RIMKLB: variants seen among roughly 807,000 people sequenced by gnomAD.
RIMKLB encodes beta-citrylglutamate synthase B.
In RIMKLB, 7 loss-of-function variants were observed where a neutral mutation model predicts 32.0. The observed-to-expected ratio is 0.22, with a 90% confidence interval of 0.12 to 0.41. The LOEUF (loss-of-function observed/expected upper bound fraction) is 0.41. RIMKLB is among the 10% of genes least tolerant of loss of function. The probability of loss-of-function intolerance (pLI) is 1.00; values close to 1 mark genes in which losing one functional copy is unlikely to be tolerated. For missense variants in RIMKLB, 289 were observed against 498.7 expected (o/e 0.58, Z 4.00); for synonymous variants, 172 against 185.1 (o/e 0.93, Z 0.57).
At chr12:8,728,870 C>G (rs1245006491) in intron 2 of RIMKLB, among the ~76,000 whole-genome samples, 1 of 152,002 alleles carries the variant, frequency 6.6e-6, no homozygotes, top group Non-Finnish European at 1.5e-5. Flanking sequence ...CTTTTAGGCT[C>G]AAATGTTCCA....
At chr12:8,701,437 T>C (rs928351378) in intron 1 of RIMKLB, among the ~76,000 whole-genome samples, 34 of 152,054 alleles carry the variant, frequency 2.2e-4, no homozygotes, top group South Asian at 4.2e-4. Context: ...GTTTTTTTTT[T>C]CCCCTCTCAA....
chr12:8,694,719 G>A (rs1459427609), upstream of RIMKLB, among the ~76,000 whole-genome samples: 1 of 152,132 alleles, frequency 6.6e-6, no homozygotes, highest in Non-Finnish European at 1.5e-5. Context: ...CATGTGTCTA[G>A]GAATAAGAGC....
intron 2 of RIMKLB, among the ~76,000 whole-genome samples, chr12:8,738,194 A>G (rs1168330810): frequency 6.6e-6 from 1 of 152,122 alleles, no homozygotes; most frequent in Non-Finnish European, 1.5e-5. Context: ...GGCATGTACC[A>G]CTGTGCCCAG....
At chr12:8,708,461 C>T (rs1398969677) in intron 1 of RIMKLB, among the ~76,000 whole-genome samples, 2 of 152,142 alleles carry the variant, frequency 1.3e-5, no homozygotes, top group African/African-American at 4.8e-5. Context: ...TAGGTTGACA[C>T]ATCCTTTTGG....
chr12:8,757,954 CTTT>C (rs772308279), intron 5 of RIMKLB, among the ~76,000 whole-genome samples: 5 of 142,922 alleles, frequency 3.5e-5, no homozygotes, highest in African/African-American at 1.3e-4. Context: ...GAACTTTTGT[CTTT>C]TTTTTTTTTT....
At chr12:8,697,848 C>G (rs1251811311), upstream of RIMKLB, 9 of 146,636 alleles carry the variant, frequency 6.1e-5, no homozygotes, top group South Asian at 1.0e-3. Flanking sequence ...CCGCCCCCCG[C>G]CCGCCGCGCC....
At chr12:8,754,283 TTC>T (rs1179192480) in intron 5 of RIMKLB, among the ~76,000 whole-genome samples, 190 bp downstream of exon 5, 1 of 152,236 alleles carries the variant, frequency 6.6e-6, no homozygotes, top group African/African-American at 2.4e-5. Flanking sequence ...AGTAATATAA[TTC>T]TGTTTCACTG....
At chr12:8,717,916 G>A (rs765949161) in intron 2 of RIMKLB, among the ~76,000 whole-genome samples, 1 of 151,960 alleles carries the variant, frequency 6.6e-6, no homozygotes, top group Non-Finnish European at 1.5e-5. Context: ...CCCAATATAC[G>A]CCTATTTTAA....
intron 2 of RIMKLB, among the ~76,000 whole-genome samples, chr12:8,722,686 T>C (rs1945576467): frequency 6.6e-6 from 1 of 152,250 alleles, no homozygotes; most frequent in South Asian, 2.1e-4. Flanking sequence ...AAGGCTGTTT[T>C]GTCTACATTG....
intron 1 of RIMKLB, chr12:8,700,461 G>A (rs1031001867): frequency 3.9e-5 from 6 of 152,368 alleles, no homozygotes; most frequent in African/African-American, 1.4e-4. Flanking sequence ...AGCAGAGCCA[G>A]TTGTTCCACA....
chr12:8,775,473 A>C lies in RIMKLB; in HGVS notation c.*1689A>C. 1.0e-6 allele frequency: 1 copy of C among 985,754 alleles called. No individual in the cohort carries two copies. The highest frequency in any genetic ancestry group is 1.2e-6 in the Non-Finnish European group (1 of 829,888). The allele number at this position is 985,754 out of a possible 1,614,324, so 61.1% of individuals were successfully genotyped here. On this transcript the variant is annotated 3_prime_UTR_variant, in exon 6 of 6. Coordinates refer to ENST00000535829, the MANE Select transcript of RIMKLB (RefSeq NM_001297776.2). ...TAATTTTTTAAACAGCAAGTTTTCC[A>C]TCTCCCTACGAATCCTCTGAAGCTT...
At chr12:8,770,026 G>T (rs1463011612) in intron 5 of RIMKLB, among the ~76,000 whole-genome samples, 1 of 149,864 alleles carries the variant, frequency 6.7e-6, no homozygotes, top group African/African-American at 2.5e-5. Context: ...GGCTTGGAGT[G>T]CAATGGCATG....
At chr12:8,695,964 A>G (rs1353426170), upstream of RIMKLB, among the ~76,000 whole-genome samples, 1 of 152,194 alleles carries the variant, frequency 6.6e-6, no homozygotes, top group African/African-American at 2.4e-5. Context: ...AAGTGCTGGG[A>G]TTACAGGCGT....
At chr12:8,742,029 T>C (rs1947598587) in intron 2 of RIMKLB, among the ~76,000 whole-genome samples, 1 of 151,144 alleles carries the variant, frequency 6.6e-6, no homozygotes, top group Non-Finnish European at 1.5e-5. Flanking sequence ...GCTTCCCAAG[T>C]AGCTGGGATT....
intron 1 of RIMKLB, among the ~76,000 whole-genome samples, chr12:8,687,401 CT>C (rs1942607854): frequency 6.6e-6 from 1 of 152,206 alleles, no homozygotes; most frequent in Non-Finnish European, 1.5e-5. Flanking sequence ...CTCCTGTTAA[CT>C]TTTTCTTAGT....
intron 2 of RIMKLB, among the ~76,000 whole-genome samples, chr12:8,735,793 G>A (rs1322855850): frequency 6.6e-6 from 1 of 151,828 alleles, no homozygotes; most frequent in Non-Finnish European, 1.5e-5. Flanking sequence ...TGCAATGGCG[G>A]GATCCCGGCT....
At chr12:8,743,967 G>A in intron 2 of RIMKLB, among the ~76,000 whole-genome samples, 1 of 151,972 alleles carries the variant, frequency 6.6e-6, no homozygotes, top group East Asian at 1.9e-4. Flanking sequence ...AGGAAATGGG[G>A]TTGAAAACAA....
At chr12:8,779,890 TTTTATG>T (rs1950932514), downstream of RIMKLB, 1 of 145,974 alleles carries the variant, frequency 6.9e-6, no homozygotes, top group Non-Finnish European at 1.6e-5. Flanking sequence ...CCCCTAATTC[TTTTATG>T]TATGTATGTA....
At chr12:8,751,350 A>G (rs1262203011) in intron 3 of RIMKLB, among the ~76,000 whole-genome samples, 3 of 152,074 alleles carry the variant, frequency 2.0e-5, no homozygotes, top group Non-Finnish European at 4.4e-5. Context: ...AATCATGCTG[A>G]TTTTTGTAGC....
Sources: gnomAD v4.1 joint callset for allele counts (sites outside exome capture counted in the v4.1 genomes callset) on GRCh38, gnomAD v4.1.1 for gene constraint, MANE v1.5 for transcripts, NCBI Gene and HGNC (gene_info 2026-07-23, HGNC 2026-07-21) for gene names.